Variants in HHAT observed in about 807,000 individuals in gnomAD.
HHAT encodes protein-cysteine N-palmitoyltransferase HHAT.
Under a neutral mutation model 70.8 loss-of-function variants are expected in HHAT, and 47 were observed. The ratio of observed to expected loss-of-function variants is 0.66; its 90% CI spans 0.53 to 0.85. HHAT has a LOEUF of 0.85. Among genes scored for constraint, HHAT ranks in the 40% least tolerant of loss-of-function variants. HHAT has a pLI of 0.00. For synonymous variants in HHAT, 228 were observed against 247.6 expected (o/e 0.92, Z 0.74); for missense variants, 609 against 604.8 (o/e 1.01, Z -0.07).
chr1:210,580,387 AAGGG>A (rs1483105024), intron 9 of HHAT, among the ~76,000 whole-genome samples: 1 of 128,950 alleles, frequency 7.8e-6, no homozygotes, highest in East Asian at 3.3e-4. Flanking sequence ...TAAAAAAAAA[AAGGG>A]GGGATACGTG....
At chr1:210,330,947 T>C (rs2084931393) in intron 1 of HHAT, among the ~76,000 whole-genome samples, 2 of 151,962 alleles carry the variant, frequency 1.3e-5, no homozygotes, top group African/African-American at 2.4e-5. Flanking sequence ...GCCTCCGGAG[T>C]AGCTTACAGG....
At chr1:210,331,571 T>C (rs1249005925) in intron 1 of HHAT, among the ~76,000 whole-genome samples, 1 of 152,232 alleles carries the variant, frequency 6.6e-6, no homozygotes, top group Non-Finnish European at 1.5e-5. Context: ...TCTAGGATCC[T>C]TCCCAGTTCG....
intron 11 of HHAT, among the ~76,000 whole-genome samples, chr1:210,668,414 C>T (rs1367402512): frequency 6.6e-6 from 1 of 152,136 alleles, no homozygotes; most frequent in Non-Finnish European, 1.5e-5. Context: ...GTAGTTGAAT[C>T]ATGGGGGTGG....
chr1:210,522,765 C>T (rs1573011279), intron 9 of HHAT, among the ~76,000 whole-genome samples: 1 of 151,854 alleles, frequency 6.6e-6, no homozygotes, highest in African/African-American at 2.4e-5. Context: ...TCTCCTTGCC[C>T]CCCACCCCCC....
chr1:210,438,738 A>G (rs980956382), intron 7 of HHAT, among the ~76,000 whole-genome samples: 2 of 151,906 alleles, frequency 1.3e-5, no homozygotes, highest in Non-Finnish European at 2.9e-5. Context: ...TTTGCCAGTT[A>G]TATAATGACA....
intron 5 of HHAT, among the ~76,000 whole-genome samples, chr1:210,401,059 A>G (rs1040532090): frequency 6.6e-6 from 1 of 152,232 alleles, no homozygotes; most frequent in African/African-American, 2.4e-5. Flanking sequence ...GATGGCCACA[A>G]TGGCCCTGTG....
rs1660908281 is a variant in HHAT at position 210,588,200 on chromosome 1, C to T, written c.1245+101C>T. On this transcript the variant is annotated intron_variant, in intron 10 of 11. Transcript: ENST00000261458. The stretch of plus-strand genomic sequence containing the variant: ...AGATTCCCTGCCCCCACTATGGGCC[C>T]TTTCTACTAGGTTGGTTCAAAGTCC... The T allele has an allele frequency of 2.5e-5, 25 of 1,015,468 alleles. No individual in the cohort carries two copies. In the South Asian group the frequency reaches 4.0e-4, roughly 16 times the overall value. 62.9% of individuals were successfully genotyped at this position (1,015,468 alleles called of 1,614,324 possible).
chr1:210,535,656 G>GGT (rs533243942), intron 9 of HHAT, among the ~76,000 whole-genome samples: 106 of 151,512 alleles, frequency 7.0e-4, no homozygotes, highest in African/African-American at 2.4e-3. Context: ...CACTCTTGCT[G>GGT]GTGTGTGTTT....
intron 3 of HHAT, among the ~76,000 whole-genome samples, chr1:210,377,687 CT>C (rs2090333381): frequency 6.6e-6 from 1 of 152,180 alleles, no homozygotes; most frequent in Non-Finnish European, 1.5e-5. Flanking sequence ...ATTAGGTCCT[CT>C]TGATGTAATT....
intron 8 of HHAT, among the ~76,000 whole-genome samples, chr1:210,486,039 T>C (rs2094468199): frequency 6.6e-6 from 1 of 152,154 alleles, no homozygotes; most frequent in South Asian, 2.1e-4. Context: ...ATTCTGAAAA[T>C]TGAGGCAGGA....
intron 2 of HHAT, among the ~76,000 whole-genome samples, chr1:210,361,043 T>C (rs1485949869): frequency 2.6e-5 from 4 of 152,284 alleles, no homozygotes; most frequent in South Asian, 2.1e-4. Flanking sequence ...TAAATGCCAC[T>C]GCTTTTGAAT....
At chr1:210,633,435 A>G (rs1374431661) in intron 11 of HHAT, among the ~76,000 whole-genome samples, 3 of 152,184 alleles carry the variant, frequency 2.0e-5, no homozygotes, top group African/African-American at 4.8e-5. Flanking sequence ...AAGCAAGGAA[A>G]GCCAGCCTTC....
chr1:210,658,118 G>C (rs1179490341), intron 11 of HHAT, among the ~76,000 whole-genome samples: 3 of 152,152 alleles, frequency 2.0e-5, no homozygotes, highest in African/African-American at 7.2e-5. Context: ...AAGAAAGAAG[G>C]CAAGTTCATA....
At chr1:210,535,468 A>G (rs1193322830) in intron 9 of HHAT, among the ~76,000 whole-genome samples, 1 of 150,962 alleles carries the variant, frequency 6.6e-6, no homozygotes, top group Non-Finnish European at 1.5e-5. Flanking sequence ...GTAAAATAAT[A>G]TAAATAATCT....
rs186925436 is a variant in HHAT, at chr1:210,627,668, C to T, written c.1390+3998C>T. Among the ~76,000 whole-genome samples the T allele has an allele frequency of 1.1e-3, 161 of 152,138 alleles. 2 individuals carry two copies. Among genetic ancestry groups the T allele is most frequent in the Admixed American group, 0.01 (157 of 15,282 alleles). On this transcript the variant is annotated intron_variant, in intron 11 of 11. Coordinates refer to ENST00000261458, the MANE Select transcript of HHAT (RefSeq NM_018194.6). ...AAACAGTTTTGGTCAGGAAGTGTTA[C>T]CTCTGCTGCTGAGGTTGAAGAAGTA...
chr1:210,527,763 A>G (rs2095268910), intron 9 of HHAT, among the ~76,000 whole-genome samples: 2 of 152,206 alleles, frequency 1.3e-5, no homozygotes, highest in Non-Finnish European at 1.5e-5. Context: ...TGGAGTTGCC[A>G]TAGGCCAAAC....
At chr1:210,602,143 C>A (rs745676348) in intron 10 of HHAT, among the ~76,000 whole-genome samples, 2 of 151,922 alleles carry the variant, frequency 1.3e-5, no homozygotes, top group Non-Finnish European at 2.9e-5. Flanking sequence ...AAGTGGTCCA[C>A]GGTGGTGATG....
rs952909639 is a variant in HHAT at position 210,607,583 on chromosome 1, G to A, written c.1246-15943G>A. 3.9e-5 allele frequency among the ~76,000 whole-genome samples: 6 copies of A among 152,156 alleles called. No individual in the cohort carries two copies. In the South Asian group the frequency reaches 8.3e-4, roughly 21 times the overall value. The stretch of plus-strand genomic sequence containing the variant: ...GGGATCTAAGTGTAGCCTGGAGAGG[G>A]AGGCCCCCAGTACCATGAGCAGCTA... On this transcript the variant is annotated intron_variant, in intron 10 of 11. Transcript: ENST00000261458.
At chr1:210,396,280 G>A (rs528621765) in intron 4 of HHAT, among the ~76,000 whole-genome samples, 24 of 152,270 alleles carry the variant, frequency 1.6e-4, no homozygotes, top group Admixed American at 4.6e-4. Flanking sequence ...GAGTAGTTCC[G>A]GTGGGGCTGT....
Sources: allele counts gnomAD v4.1 joint callset (sites outside exome capture counted in the v4.1 genomes callset), GRCh38; gene constraint gnomAD v4.1.1; transcripts MANE v1.5; gene names NCBI Gene and HGNC (gene_info 2026-07-23, HGNC 2026-07-21).